GABRB1: variants seen among roughly 807,000 people sequenced by gnomAD.
GABRB1 encodes gamma-aminobutyric acid receptor subunit beta-1.
A neutral mutation model predicts 51.6 loss-of-function variants in GABRB1; 17 were observed. That is an observed-to-expected ratio of 0.33 (90% CI 0.23 to 0.49). The LOEUF (loss-of-function observed/expected upper bound fraction) is 0.49, where lower values mean the gene tolerates loss of function less well. Ranked by LOEUF, GABRB1 falls within the 20% of genes least tolerant of loss-of-function variation. GABRB1 has a pLI of 0.99. For missense variants in GABRB1, 410 were observed against 600.6 expected (o/e 0.68, Z 3.32); for synonymous variants, 247 against 218.9 (o/e 1.13, Z -1.14).
chr4:47,053,931 A>G (rs1211656595), intron 3 of GABRB1, among the ~76,000 whole-genome samples: 5 of 152,106 alleles, frequency 3.3e-5, no homozygotes, highest in African/African-American at 1.2e-4. Context: ...TTGCACGTGC[A>G]TTGCTTTTGT....
chr4:47,058,541 G>A (rs1213184774), intron 3 of GABRB1, among the ~76,000 whole-genome samples: 1 of 152,138 alleles, frequency 6.6e-6, no homozygotes, highest in Non-Finnish European at 1.5e-5. Flanking sequence ...CCGGGCTTTT[G>A]GGGATATGAT....
At chr4:47,339,090 G>A (rs1725796249) in intron 5 of GABRB1, among the ~76,000 whole-genome samples, 1 of 152,110 alleles carries the variant, frequency 6.6e-6, no homozygotes, top group African/African-American at 2.4e-5. Context: ...GGCAAAACAA[G>A]CCCCAGCTCT....
intron 3 of GABRB1, among the ~76,000 whole-genome samples, chr4:47,113,201 C>T (rs996003467): frequency 2.6e-5 from 4 of 152,048 alleles, no homozygotes; most frequent in African/African-American, 9.7e-5. Context: ...GCCTGGCTAA[C>T]ATAGTGAAAC....
chr4:47,105,569 A>T (rs1714929701), intron 3 of GABRB1, among the ~76,000 whole-genome samples: 1 of 152,048 alleles, frequency 6.6e-6, no homozygotes, highest in South Asian at 2.1e-4. Flanking sequence ...CAACCAGTGG[A>T]GATGTTATTT....
At chr4:47,032,687 G>C (rs560788447) in intron 3 of GABRB1, 2 of 714,630 alleles carry the variant, frequency 2.8e-6, no homozygotes, top group Admixed American at 4.0e-5. Flanking sequence ...CGGTGTTCCA[G>C]GGGAAACGTG....
intron 5 of GABRB1, among the ~76,000 whole-genome samples, chr4:47,342,623 T>A (rs62297797): frequency 0.38 from 57,330 of 152,020 alleles, 10,921 homozygotes; most frequent in South Asian, 0.47. Flanking sequence ...CTAGTTTACT[T>A]TTCAGAAGAT....
At chr4:47,128,480 A>G (rs1354391469) in intron 3 of GABRB1, among the ~76,000 whole-genome samples, 2 of 151,968 alleles carry the variant, frequency 1.3e-5, no homozygotes, top group Non-Finnish European at 2.9e-5. Flanking sequence ...TATCACAGAT[A>G]AAAGGAAAGA....
At chr4:47,350,218 T>TATAGAGAGAGAGAGAGAG (rs750199965) in intron 5 of GABRB1, among the ~76,000 whole-genome samples, 4 of 56,648 alleles carry the variant, frequency 7.1e-5, no homozygotes, top group African/African-American at 2.4e-4. Context: ...TATATATATA[T>TATAGAGAGAGAGAGAGAG]AGAGAGAGAG....
At chr4:47,136,633 T>TA (rs1242569064) in intron 3 of GABRB1, among the ~76,000 whole-genome samples, 1 of 151,858 alleles carries the variant, frequency 6.6e-6, no homozygotes, top group Non-Finnish European at 1.5e-5. Flanking sequence ...TCTAGGGAAA[T>TA]AAAAAAGTGA....
At chr4:47,352,450 A>G (rs1413459913) in intron 5 of GABRB1, among the ~76,000 whole-genome samples, 1 of 152,190 alleles carries the variant, frequency 6.6e-6, no homozygotes, top group East Asian at 1.9e-4. Flanking sequence ...AAAGCCGGGC[A>G]GAGACACAAC....
intron 4 of GABRB1, among the ~76,000 whole-genome samples, chr4:47,177,887 T>G (rs190545506): frequency 6.6e-6 from 1 of 151,750 alleles, no homozygotes; most frequent in South Asian, 2.1e-4. Flanking sequence ...ACTAGGAATG[T>G]TTGTTAAACT....
intron 5 of GABRB1, among the ~76,000 whole-genome samples, chr4:47,393,850 A>C (rs901285089): frequency 1.3e-5 from 2 of 152,216 alleles, no homozygotes; most frequent in African/African-American, 2.4e-5. Flanking sequence ...AACCCACTGC[A>C]TATCCTTCAT....
intron 4 of GABRB1, among the ~76,000 whole-genome samples, chr4:47,311,432 A>C (rs1278469962): frequency 6.6e-6 from 1 of 151,580 alleles, no homozygotes; most frequent in Non-Finnish European, 1.5e-5. Context: ...AAAAAAAAAA[A>C]AGATAGTCGA....
At chr4:47,095,683 T>C (rs2109596005) in intron 3 of GABRB1, among the ~76,000 whole-genome samples, 1 of 152,364 alleles carries the variant, frequency 6.6e-6, no homozygotes, top group South Asian at 2.1e-4. Flanking sequence ...TAGTCTCTCT[T>C]GAAATATCAC....
At chr4:47,135,002 C>T (rs1480799711) in intron 3 of GABRB1, among the ~76,000 whole-genome samples, 2 of 151,946 alleles carry the variant, frequency 1.3e-5, no homozygotes, top group African/African-American at 2.4e-5. Context: ...GGCATGTGCC[C>T]GTGTCTCAGA....
Position 47,006,783 on chromosome 4 carries a change from A to T in GABRB1, c.-20+12857A>T, listed in dbSNP as rs530214904. 3.0e-4 allele frequency among the ~76,000 whole-genome samples: 45 copies of T among 152,360 alleles called. No individual in the cohort carries two copies. The Middle Eastern group carries it at 0.01, about 35-fold the overall frequency. On this transcript the variant is annotated intron_variant, in intron 1 of 3. Transcript: ENST00000513567. Reference sequence around the variant, plus strand: ...ACAAATATTTAAATAATTGCATTATATATAAAAGTAAATGCTGCAATTAAA... The same window carrying T: ...ACAAATATTTAAATAATTGCATTATTTATAAAAGTAAATGCTGCAATTAAA...
chr4:47,002,524 A>T (rs920307677), intron 1 of GABRB1, among the ~76,000 whole-genome samples: 8 of 152,184 alleles, frequency 5.3e-5, no homozygotes, highest in African/African-American at 1.9e-4. Flanking sequence ...AGTCTTTCAA[A>T]TGTTTAAATA....
rs570775469 is a variant in GABRB1, at chr4:47,216,366, A to T, written c.461+54897A>T. ...TTTCTACCCCATTAGGAAAATAGTC[A>T]TGGTGATTGTAGAAAACATGTGATG... On this transcript the variant is annotated intron_variant, in intron 4 of 8. Transcript: ENST00000295454. Among the ~76,000 whole-genome samples, 75 of 152,062 alleles carry T rather than the reference A, an allele frequency of 4.9e-4. 1 individual carries two copies. Among genetic ancestry groups the T allele is most frequent in the African/African-American group, 1.7e-3 (70 of 41,544 alleles).
At chr4:47,186,667 A>G (rs779937008) in intron 4 of GABRB1, among the ~76,000 whole-genome samples, 7 of 151,968 alleles carry the variant, frequency 4.6e-5, no homozygotes, top group Middle Eastern at 6.8e-3. Flanking sequence ...TGGAACTCAG[A>G]AATTCTCTGT....
Sources: allele counts gnomAD v4.1 joint callset (sites outside exome capture counted in the v4.1 genomes callset), GRCh38; gene constraint gnomAD v4.1.1; transcripts MANE v1.5; gene names NCBI Gene and HGNC (gene_info 2026-07-23, HGNC 2026-07-21).